NBEA: variants seen among roughly 807,000 people sequenced by gnomAD.
The protein encoded by NBEA is neurobeachin.
In NBEA, 44 loss-of-function variants were observed where a neutral mutation model predicts 343.4. The observed-to-expected ratio is 0.13, with a 90% confidence interval of 0.10 to 0.16. The LOEUF is 0.16. NBEA is among the 10% of genes least tolerant of loss of function. The pLI is 1.00. For missense variants in NBEA, 2,555 were observed against 3,631.3 expected, an observed-to-expected ratio of 0.70 and a Z score of 7.62; for synonymous variants, 1,175 against 1,238.7, an observed-to-expected ratio of 0.95 and a Z score of 1.08.
chr13:35,600,551 A>C (rs1346569781), intron 47 of NBEA, among the ~76,000 whole-genome samples: 1 of 152,212 alleles, frequency 6.6e-6, no homozygotes, highest in Non-Finnish European at 1.5e-5. Flanking sequence ...CCCTAAAAAA[A>C]ATTGAGACCA....
chr13:34,952,508 C>T (rs2059379748), intron 1 of NBEA, among the ~76,000 whole-genome samples: 1 of 152,072 alleles, frequency 6.6e-6, no homozygotes, highest in Non-Finnish European at 1.5e-5. Context: ...TAGTAGTATG[C>T]ATTAATATAT....
At chr13:35,098,247 T>C in intron 10 of NBEA, 50 bp from the exon 11 acceptor site, 2 of 1,292,822 alleles carry the variant, frequency 1.5e-6, no homozygotes, top group South Asian at 1.3e-5. Context: ...GGACACTGTT[T>C]ATAATAAACA....
chr13:35,469,678 G>C (rs2075556338), intron 40 of NBEA, among the ~76,000 whole-genome samples: 1 of 152,064 alleles, frequency 6.6e-6, no homozygotes, highest in South Asian at 2.1e-4. Flanking sequence ...GTAGTGATTG[G>C]GATGAATATA....
chr13:34,982,422 C>G (rs892105474), intron 1 of NBEA, among the ~76,000 whole-genome samples: 9 of 152,216 alleles, frequency 5.9e-5, no homozygotes, highest in African/African-American at 2.2e-4. Context: ...GCCTCAGCCT[C>G]CCTAGTAGCT....
intron 43 of NBEA, among the ~76,000 whole-genome samples, chr13:35,552,684 T>C (rs1224135389): frequency 6.6e-6 from 1 of 152,182 alleles, no homozygotes; most frequent in Admixed American, 6.5e-5. Flanking sequence ...TCCTGTCTTC[T>C]GGCATATTTC....
intron 25 of NBEA, among the ~76,000 whole-genome samples, chr13:35,169,733 A>G (rs559214228): frequency 1.3e-5 from 2 of 151,872 alleles, no homozygotes; most frequent in South Asian, 4.1e-4. Flanking sequence ...ATTCCTTTAT[A>G]GAACATTTTA....
At chr13:35,317,207 T>C (rs1461207864) in intron 36 of NBEA, among the ~76,000 whole-genome samples, 1 of 152,224 alleles carries the variant, frequency 6.6e-6, no homozygotes, top group East Asian at 1.9e-4. Context: ...CTGAAAGGCA[T>C]TGCCTAGGTT....
intron 39 of NBEA, among the ~76,000 whole-genome samples, chr13:35,444,591 C>G (rs919057260): frequency 6.6e-6 from 1 of 151,872 alleles, no homozygotes; most frequent in Non-Finnish European, 1.5e-5. Flanking sequence ...CAACAGATTC[C>G]TGAATGTTTA....
chr13:35,257,819 A>C (rs1363415149), intron 34 of NBEA, among the ~76,000 whole-genome samples: 21 of 152,202 alleles, frequency 1.4e-4, no homozygotes, highest in Non-Finnish European at 2.9e-5. Flanking sequence ...TGATTAACAA[A>C]AATAAATTTA....
intron 40 of NBEA, among the ~76,000 whole-genome samples, chr13:35,465,774 A>C (rs551296529): frequency 6.6e-6 from 1 of 151,530 alleles, no homozygotes; most frequent in East Asian, 1.9e-4. Flanking sequence ...ATGCTTTGTA[A>C]GCTTTTTCTT....
chr13:35,076,520 T>G (rs116853533), intron 10 of NBEA, among the ~76,000 whole-genome samples: 6,941 of 152,124 alleles, frequency 0.046, 237 homozygotes, highest in Non-Finnish European at 0.067. Context: ...GACAGCCACT[T>G]TCAATGCTAT....
chr13:35,330,421 A>G (rs2038855950), intron 36 of NBEA, among the ~76,000 whole-genome samples: 1 of 152,028 alleles, frequency 6.6e-6, no homozygotes, highest in African/African-American at 2.4e-5. Flanking sequence ...CATCCCACGC[A>G]GGAGCACAGA....
At chr13:35,599,827 T>C (rs117397489) in intron 47 of NBEA, among the ~76,000 whole-genome samples, 158 of 152,352 alleles carry the variant, frequency 1.0e-3, no homozygotes, top group South Asian at 2.7e-3. Context: ...AAAAATACTT[T>C]AAGTACTAGT....
At chr13:35,376,151 C>A (rs929320124) in intron 38 of NBEA, among the ~76,000 whole-genome samples, 2 of 152,112 alleles carry the variant, frequency 1.3e-5, no homozygotes, top group Admixed American at 6.6e-5. Flanking sequence ...AACAACTGAG[C>A]AGCTCACTTT....
intron 38 of NBEA, among the ~76,000 whole-genome samples, chr13:35,372,298 A>G (rs73500802): frequency 0.047 from 7,161 of 152,166 alleles, 205 homozygotes; most frequent in Non-Finnish European, 0.054. Flanking sequence ...AGGCCTGCAG[A>G]TGGTATATTG....
At chr13:35,478,286 A>G (rs138927272) in intron 41 of NBEA, among the ~76,000 whole-genome samples, 2 of 152,276 alleles carry the variant, frequency 1.3e-5, no homozygotes, top group Non-Finnish European at 1.5e-5. Context: ...CAGCTACTCT[A>G]TTTCCCAAGA....
intron 1 of NBEA, among the ~76,000 whole-genome samples, chr13:35,030,107 G>A (rs548727569): frequency 5.3e-5 from 8 of 151,608 alleles, no homozygotes; most frequent in Non-Finnish European, 1.2e-4. Flanking sequence ...TCTTTTCGAA[G>A]AACAGATTTT....
chr13:34,954,333 T>C (rs1290352043), intron 1 of NBEA, among the ~76,000 whole-genome samples: 1 of 152,136 alleles, frequency 6.6e-6, no homozygotes, highest in Non-Finnish European at 1.5e-5. Flanking sequence ...CTCTGAATCT[T>C]TTGAGGATCA....
chr13:35,378,278 G>A (rs1021477512), intron 38 of NBEA, among the ~76,000 whole-genome samples: 2 of 152,162 alleles, frequency 1.3e-5, no homozygotes, highest in South Asian at 4.1e-4. Flanking sequence ...CCCTGTCTGT[G>A]CCTCACAAAA....
Sources: allele counts gnomAD v4.1 joint callset (sites outside exome capture counted in the v4.1 genomes callset), GRCh38; gene constraint gnomAD v4.1.1; transcripts MANE v1.5; gene names NCBI Gene and HGNC (gene_info 2026-07-23, HGNC 2026-07-21).